Variants in NRG1 observed in about 807,000 individuals in gnomAD.
NRG1 encodes neuregulin 1.
A neutral mutation model predicts 63.8 loss-of-function variants in NRG1; 18 were observed. The observed-to-expected ratio is 0.28, with a 90% CI of 0.19 to 0.42. The LOEUF (loss-of-function observed/expected upper bound fraction) is 0.42, where lower values mean the gene tolerates loss of function less well. NRG1 is among the 10% of genes least tolerant of loss of function. The probability of loss-of-function intolerance (pLI) is 1.00; values close to 1 mark genes in which losing one functional copy is unlikely to be tolerated. For synonymous variants in NRG1, 302 were observed against 301.3 expected, an observed-to-expected ratio of 1.00 and a Z score of -0.02; for missense variants, 762 against 814.7, an observed-to-expected ratio of 0.94 and a Z score of 0.79.
intron 1 of NRG1, among the ~76,000 whole-genome samples, chr8:32,186,372 A>C (rs535713098): frequency 3.2e-4 from 49 of 151,866 alleles, no homozygotes; most frequent in Non-Finnish European, 6.5e-4. Context: ...GAGGCAGGAG[A>C]ATGGCGTTAA....
intron 1 of NRG1, chr8:32,029,400 A>G (rs1563698574): frequency 6.6e-6 from 1 of 152,220 alleles, no homozygotes; most frequent in African/African-American, 2.4e-5. Flanking sequence ...CATTAGAACC[A>G]AAACAGTTCT....
At chr8:32,513,234 C>T (rs575781994) in intron 1 of NRG1, among the ~76,000 whole-genome samples, 52 of 150,562 alleles carry the variant, frequency 3.5e-4, no homozygotes, top group African/African-American at 1.2e-3. Context: ...TATAAAAAAT[C>T]TTTTTAGTCG....
rs551976723 is a variant in NRG1, at chr8:32,488,836, C to T, written c.38-106992C>T. Among the ~76,000 whole-genome samples the T allele has an allele frequency of 8.9e-4, 136 of 152,190 alleles. 3 individuals carry two copies. The highest frequency in any genetic ancestry group is 6.5e-4 in the Admixed American group (10 of 15,268). ...AGTGACACCTCAGAGTTTCGAGTAA[C>T]GACAGGCACCTGGCCCATGGCTGGG... On this transcript the variant is annotated intron_variant, in intron 1 of 10. Coordinates refer to the NRG1 transcript ENST00000519301.
intron 1 of NRG1, among the ~76,000 whole-genome samples, chr8:31,856,318 A>T (rs1297569989): frequency 6.6e-6 from 1 of 151,940 alleles, no homozygotes; most frequent in Non-Finnish European, 1.5e-5. Flanking sequence ...ATTTCTTTTT[A>T]TTCTTTTTTC....
intron 1 of NRG1, among the ~76,000 whole-genome samples, chr8:32,321,480 G>GT (rs1156744497): frequency 2.9e-5 from 4 of 139,344 alleles, no homozygotes; most frequent in Non-Finnish European, 6.2e-5. Flanking sequence ...TTTACCACCT[G>GT]TAAAAAAAAA....
intron 1 of NRG1, among the ~76,000 whole-genome samples, chr8:32,506,614 C>T (rs1007851280): frequency 1.3e-5 from 2 of 152,098 alleles, no homozygotes; most frequent in Admixed American, 1.3e-4. Flanking sequence ...TTATTTCTTA[C>T]AAATGTTTTC....
At chr8:32,246,736 G>C (rs943594279) in intron 1 of NRG1, among the ~76,000 whole-genome samples, 1 of 152,038 alleles carries the variant, frequency 6.6e-6, no homozygotes, top group Non-Finnish European at 1.5e-5. Flanking sequence ...AACAAAGATA[G>C]TATGTTCTCA....
chr8:31,863,775 A>G (rs1749967087), intron 1 of NRG1, among the ~76,000 whole-genome samples: 1 of 152,170 alleles, frequency 6.6e-6, no homozygotes, highest in Non-Finnish European at 1.5e-5. Context: ...AAAGCCTTCT[A>G]GACATTTCTC....
intron 1 of NRG1, among the ~76,000 whole-genome samples, chr8:31,990,387 T>G (rs1360702703): frequency 6.6e-6 from 1 of 152,002 alleles, no homozygotes; most frequent in African/African-American, 2.4e-5. Context: ...AGAGAGAGTT[T>G]TATATTGTGG....
At chr8:32,433,288 T>C (rs1818386060) in intron 1 of NRG1, among the ~76,000 whole-genome samples, 1 of 152,216 alleles carries the variant, frequency 6.6e-6, no homozygotes, top group South Asian at 2.1e-4. Context: ...TCCAACTCAC[T>C]TCGACACCCT....
chr8:32,061,418 T>A (rs1823839410), intron 1 of NRG1, among the ~76,000 whole-genome samples: 1 of 152,158 alleles, frequency 6.6e-6, no homozygotes, highest in African/African-American at 2.4e-5. Flanking sequence ...GTGATGACTT[T>A]TTTTTCTGAG....
intron 1 of NRG1, among the ~76,000 whole-genome samples, chr8:32,535,813 T>G (rs1831907758): frequency 6.6e-6 from 1 of 152,174 alleles, no homozygotes; most frequent in Admixed American, 6.5e-5. Context: ...GGAATGCACC[T>G]TGGAGATAGC....
intron 1 of NRG1, among the ~76,000 whole-genome samples, chr8:32,562,083 G>A (rs1836513215): frequency 6.6e-6 from 1 of 152,108 alleles, no homozygotes; most frequent in Non-Finnish European, 1.5e-5. Context: ...TTGCCCTCAG[G>A]AAGACACAGA....
chr8:31,990,684 C>T (rs1015265398), intron 1 of NRG1, among the ~76,000 whole-genome samples: 3 of 152,116 alleles, frequency 2.0e-5, no homozygotes, highest in Non-Finnish European at 4.4e-5. Context: ...CTCTGCTAAA[C>T]CATATGACAT....
At chr8:32,677,554 A>G (rs1240739205) in intron 5 of NRG1, among the ~76,000 whole-genome samples, 1 of 152,062 alleles carries the variant, frequency 6.6e-6, no homozygotes, top group Non-Finnish European at 1.5e-5. Flanking sequence ...GCTACTTGGG[A>G]GGCTGAGATA....
intron 1 of NRG1, among the ~76,000 whole-genome samples, chr8:31,754,110 C>T (rs1453485847): frequency 6.6e-6 from 1 of 152,056 alleles, no homozygotes; most frequent in Non-Finnish European, 1.5e-5. Flanking sequence ...TCAATGTTAA[C>T]CTGCTGTTGC....
intron 1 of NRG1, among the ~76,000 whole-genome samples, chr8:32,282,117 A>T (rs867647006): frequency 1.3e-5 from 2 of 152,094 alleles, no homozygotes; most frequent in South Asian, 4.1e-4. Flanking sequence ...ATAGGAATGT[A>T]AAAAGCTTTG....
intron 1 of NRG1, among the ~76,000 whole-genome samples, chr8:32,589,284 T>C (rs762664420): frequency 1.6e-4 from 24 of 152,208 alleles, no homozygotes; most frequent in Non-Finnish European, 2.6e-4. Flanking sequence ...GAGAGAAATA[T>C]GACTGGGGGA....
At chr8:31,790,723 T>C (rs1220236929) in intron 1 of NRG1, among the ~76,000 whole-genome samples, 1 of 152,148 alleles carries the variant, frequency 6.6e-6, no homozygotes, top group East Asian at 1.9e-4. Flanking sequence ...CCCCACTGCT[T>C]AAAGTTGCAA....
Sources: gnomAD v4.1 joint callset for allele counts (sites outside exome capture counted in the v4.1 genomes callset) on GRCh38, gnomAD v4.1.1 for gene constraint, MANE v1.5 for transcripts, NCBI Gene and HGNC (gene_info 2026-07-23, HGNC 2026-07-21) for gene names.